CLTCL1: variants seen among roughly 807,000 people sequenced by gnomAD.
CLTCL1 encodes clathrin heavy chain like 1.
A neutral mutation model predicts 190.0 loss-of-function variants in CLTCL1; 159 were observed. The ratio of observed to expected loss-of-function variants is 0.84; its 90% confidence interval spans 0.74 to 0.95. The LOEUF is 0.95. Among genes scored for constraint, CLTCL1 ranks in the 40% least tolerant of loss-of-function variants. The probability of loss-of-function intolerance (pLI) is 0.00; values close to 1 mark genes in which losing one functional copy is unlikely to be tolerated. For synonymous variants in CLTCL1, 752 were observed against 769.6 expected (o/e 0.98, Z 0.38); for missense variants, 1,878 against 2,033.4 (o/e 0.92, Z 1.47).
At chr22:19,192,490 G>C (rs564134533) in intron 26 of CLTCL1, among the ~76,000 whole-genome samples, 9 of 152,204 alleles carry the variant, frequency 5.9e-5, no homozygotes, top group African/African-American at 1.9e-4. Context: ...ATGTGTCTGC[G>C]TGAGTGTGGG....
intron 12 of CLTCL1, 136 bp downstream of exon 12, chr22:19,226,083 G>A (rs1164700476): frequency 9.9e-6 from 10 of 1,005,898 alleles, no homozygotes; most frequent in African/African-American, 4.9e-5. Context: ...GCTTTTGGTA[G>A]TAAAGTATGG....
intron 16 of CLTCL1, 50 bp downstream of exon 16, chr22:19,221,901 A>G: frequency 3.8e-6 from 6 of 1,595,860 alleles, no homozygotes; most frequent in Middle Eastern, 1.7e-4. Flanking sequence ...AAACAACAAC[A>G]GACACTAGAA....
chr22:19,283,331 AGTGCAGTG>A (rs2087790222), intron 1 of CLTCL1, among the ~76,000 whole-genome samples: 1 of 151,488 alleles, frequency 6.6e-6, no homozygotes, highest in Admixed American at 6.6e-5. Context: ...CCAAGGCTGG[AGTGCAGTG>A]GTGCAATCTT....
intron 2 of CLTCL1, among the ~76,000 whole-genome samples, chr22:19,266,204 GA>G (rs1170995681): frequency 6.6e-6 from 1 of 151,854 alleles, no homozygotes; most frequent in Non-Finnish European, 1.5e-5. Context: ...TAATGATCAA[GA>G]AAAAAACAGA....
At chr22:19,282,854 TTTTC>T (rs374292764) in intron 1 of CLTCL1, among the ~76,000 whole-genome samples, 326 of 151,588 alleles carry the variant, frequency 2.2e-3, no homozygotes, top group African/African-American at 6.8e-3. Context: ...AAGCCAGGTT[TTTTC>T]TTTCTTTCTT....
intron 2 of CLTCL1, among the ~76,000 whole-genome samples, chr22:19,265,531 T>A (rs1220659023): frequency 1.3e-5 from 2 of 151,928 alleles, no homozygotes; most frequent in African/African-American, 4.8e-5. Context: ...TTTAATATAT[T>A]TTATATATTC....
chr22:19,185,518 G>A (rs5748030), intron 29 of CLTCL1, among the ~76,000 whole-genome samples: 11,671 of 152,116 alleles, frequency 0.077, 592 homozygotes, highest in East Asian at 0.14. Flanking sequence ...AGTAGAGATG[G>A]GGTTTCACCA....
intron 31 of CLTCL1, 33 bp from the exon 32 acceptor site, chr22:19,180,271 G>A: frequency 6.2e-7 from 1 of 1,613,256 alleles, no homozygotes; most frequent in Non-Finnish European, 8.5e-7. Context: ...AATGGTGGAA[G>A]GACACACTCA....
intron 3 of CLTCL1, among the ~76,000 whole-genome samples, chr22:19,247,749 C>T (rs900659914): frequency 5.9e-5 from 9 of 151,814 alleles, no homozygotes; most frequent in East Asian, 2.0e-4. Context: ...TTAGTAAAGA[C>T]GGGGTTTCAC....
chr22:19,208,304 C>A lies in CLTCL1; in HGVS notation c.3450G>T (p.Trp1150Cys), dbSNP rs781919400. 6.2e-7 allele frequency: 1 copy of A among 1,613,458 alleles called. No homozygotes were observed. Among genetic ancestry groups the A allele is most frequent in the South Asian group, 1.1e-5 (1 of 91,064 alleles). Residue 1150 changes from tryptophan (W) to cysteine (C), a missense_variant, in exon 22 of 33, where the codon TGG (tryptophan) becomes TGT (cysteine). Trp to Cys is a radical substitution (Grantham distance 215). Coordinates refer to ENST00000427926, the MANE Select transcript of CLTCL1 (RefSeq NM_007098.4). ...VVQSASRSNN[W>C]EDLVKFLQMA... is the part of the protein sequence containing the mutation. Reference sequence around the variant, plus strand: ...TCTGCAGAAATTTAACTAGATCCTCCCAGTTGTCTAAAGACAGAAAACAAA... The same window carrying A: ...TCTGCAGAAATTTAACTAGATCCTCACAGTTGTCTAAAGACAGAAAACAAA...
chr22:19,240,127 T>C (rs1343782897), intron 4 of CLTCL1, among the ~76,000 whole-genome samples: 2 of 151,754 alleles, frequency 1.3e-5, no homozygotes, highest in Non-Finnish European at 2.9e-5. Flanking sequence ...GGCTAAACTT[T>C]GTATTTTTAG....
At chr22:19,281,145 A>G (rs1555986418) in intron 1 of CLTCL1, among the ~76,000 whole-genome samples, 3 of 151,746 alleles carry the variant, frequency 2.0e-5, no homozygotes, top group Non-Finnish European at 4.4e-5. Flanking sequence ...ATACAAAAAA[A>G]TTAGCCAGGC....
At chr22:19,252,109 CAT>C (rs1439657713) in intron 3 of CLTCL1, among the ~76,000 whole-genome samples, 3 of 152,204 alleles carry the variant, frequency 2.0e-5, no homozygotes, top group African/African-American at 7.2e-5. Flanking sequence ...CTTTCTCATA[CAT>C]GTCTCTATTC....
rs2087187056 is a variant in CLTCL1 at position 19,268,244 on chromosome 22, G to A, written c.250+7379C>T. Among the ~76,000 whole-genome samples the A allele has an allele frequency of 2.6e-5, 4 of 152,176 alleles. No individual in the cohort carries two copies. In the South Asian group the frequency reaches 8.3e-4, roughly 32 times the overall value. On this transcript the variant is annotated intron_variant, in intron 2 of 32. Coordinates refer to ENST00000427926, the MANE Select transcript of CLTCL1 (RefSeq NM_007098.4). ...ACAGGGGCCATCTTGGAAGTGGAGT[G>A]TGAACCCTTAACAGACACACTATCT... is the stretch of plus-strand genomic sequence containing the variant.
Position 19,273,055 on chromosome 22 carries a change from C to CG in CLTCL1, c.250+2567_250+2568insC, listed in dbSNP as rs199908308. Among the ~76,000 whole-genome samples, 986 of 152,224 alleles carry CG rather than the reference C, an allele frequency of 6.5e-3. 14 individuals carry two copies. The highest frequency in any genetic ancestry group is 0.02 in the African/African-American group (834 of 41,550). On this transcript the variant is annotated intron_variant, in intron 2 of 32. Coordinates refer to ENST00000427926, the MANE Select transcript of CLTCL1 (RefSeq NM_007098.4). ...AGATACAAGGTGCAGCACCCCCCCA[C>CG]ACACCCTGTATTTCTGCACTGGATC...
In CLTCL1 at chr22:19,187,950, C is replaced by T. The variant is rs1412559687; in HGVS notation, c.4434+31G>A. The T allele has an allele frequency of 1.9e-6, 3 of 1,586,306 alleles. No individual in the cohort carries two copies. In the African/African-American group the frequency reaches 4.0e-5, roughly 21 times the overall value. On this transcript the variant is annotated intron_variant, in intron 28 of 32. Coordinates refer to ENST00000427926, the MANE Select transcript of CLTCL1 (RefSeq NM_007098.4). ...AGTTGCAGGGGAGGAGCCCAGCCCACCCAGGACAGGGCTCCTTCCTGCACA... is the reference window on the plus strand; with the variant it reads ...AGTTGCAGGGGAGGAGCCCAGCCCATCCAGGACAGGGCTCCTTCCTGCACA...
In CLTCL1 at chr22:19,216,096, C is replaced by T; in HGVS notation, c.3065+15G>A. 1 of 1,612,556 alleles carries T rather than the reference C, an allele frequency of 6.2e-7. No homozygotes were observed. Among genetic ancestry groups the T allele is most frequent in the Non-Finnish European group, 8.5e-7 (1 of 1,179,130 alleles). On this transcript the variant is annotated intron_variant, in intron 19 of 32. Coordinates refer to ENST00000427926, the MANE Select transcript of CLTCL1 (RefSeq NM_007098.4). Reference sequence around the variant, plus strand: ...AATCTGCCTGTGTCCACAGCTACCCCTGGCATAGCCTCACCTGTGCTCGCT... The same window carrying T: ...AATCTGCCTGTGTCCACAGCTACCCTTGGCATAGCCTCACCTGTGCTCGCT...
At chr22:19,190,016 G>A (rs1054335782) in intron 27 of CLTCL1, among the ~76,000 whole-genome samples, 9 of 152,034 alleles carry the variant, frequency 5.9e-5, no homozygotes, top group Non-Finnish European at 1.2e-4. Context: ...GTGCAATCTC[G>A]GCTCACTGCA....
chr22:19,208,160 G>T lies in CLTCL1; in HGVS notation c.3594C>A (p.Ile1198=). 6.2e-7 allele frequency: 1 copy of T among 1,613,864 alleles called. No individual in the cohort carries two copies. Among genetic ancestry groups the T allele is most frequent in the Non-Finnish European group, 8.5e-7 (1 of 1,179,878 alleles). The change falls in exon 22 of 33, where the codon ATC becomes ATA. Residue 1198 remains isoleucine, a synonymous_variant. Transcript: ENST00000427926. The stretch of plus-strand genomic sequence containing the variant: ...CCCAGGGGGCATGGCCTACCTGCTG[G>T]ATGTGGGCATTGTTGGGTCCATTAA... ...DFINGPNNAH[I]QQVGDRCYEE...
Sources: allele counts gnomAD v4.1 joint callset (sites outside exome capture counted in the v4.1 genomes callset), GRCh38; gene constraint gnomAD v4.1.1; transcripts MANE v1.5; gene names NCBI Gene and HGNC (gene_info 2026-07-23, HGNC 2026-07-21).